Variants in CERT1 observed in about 807,000 individuals in gnomAD.
CERT1 encodes the protein ceramide transporter 1.
Under a neutral mutation model 87.9 loss-of-function variants are expected in CERT1, and 31 were observed. The observed-to-expected ratio is 0.35, with a 90% CI of 0.27 to 0.48. The LOEUF is 0.48. Ranked by LOEUF, CERT1 falls within the 20% of genes least tolerant of loss-of-function variation. The pLI, the probability that CERT1 is intolerant of heterozygous loss-of-function variation, is 0.99. For missense variants in CERT1, 487 were observed against 758.0 expected (o/e 0.64, Z 4.20); for synonymous variants, 289 against 250.9 (o/e 1.15, Z -1.44).
chr5:75,465,314 A>T (rs113385990), intron 2 of CERT1, among the ~76,000 whole-genome samples: 1 of 152,226 alleles, frequency 6.6e-6, no homozygotes, highest in Admixed American at 6.5e-5. Flanking sequence ...TGACAGTAGG[A>T]TATCTGATAA....
At position 75,500,382 on chromosome 5, in the gene CERT1, C is replaced by T. The variant is rs187187451; in HGVS notation, c.231+5600G>A. 3.9e-5 allele frequency among the ~76,000 whole-genome samples: 6 copies of T among 152,132 alleles called. No homozygotes were observed. The East Asian group carries it at 1.2e-3, about 29-fold the overall frequency. ...TAAGTTATTTCCACATTCTGAAACCCAGATTTCAACAGGTGCCCTTTTTCA... is the reference window on the plus strand; with the variant it reads ...TAAGTTATTTCCACATTCTGAAACCTAGATTTCAACAGGTGCCCTTTTTCA... On this transcript the variant is annotated intron_variant, in intron 2 of 16. Transcript: ENST00000643780.
chr5:75,386,524 C>T (rs1225175411), intron 12 of CERT1, among the ~76,000 whole-genome samples: 1 of 152,174 alleles, frequency 6.6e-6, no homozygotes, highest in African/African-American at 2.4e-5. Flanking sequence ...ACAGATCTAT[C>T]TTGCTTTAAA....
chr5:75,447,524 G>A (rs902314219), intron 3 of CERT1, among the ~76,000 whole-genome samples: 1 of 151,378 alleles, frequency 6.6e-6, no homozygotes, highest in Non-Finnish European at 1.5e-5. Context: ...AGGGTAGAGT[G>A]CAGTGGCGCG....
chr5:75,370,307 C>T (rs947560478), intron 17 of CERT1: 1 of 152,196 alleles, frequency 6.6e-6, no homozygotes, highest in Non-Finnish European at 1.5e-5. Flanking sequence ...GAAGTCCACA[C>T]TTCCCATTTC....
At chr5:75,436,906 T>C (rs1472720134) in intron 3 of CERT1, among the ~76,000 whole-genome samples, 1 of 152,164 alleles carries the variant, frequency 6.6e-6, no homozygotes, top group Non-Finnish European at 1.5e-5. Flanking sequence ...GTATGCTGCA[T>C]GCTGGGACTA....
intron 11 of CERT1, among the ~76,000 whole-genome samples, chr5:75,390,144 G>C (rs904969347): frequency 6.6e-6 from 1 of 152,014 alleles, no homozygotes; most frequent in Non-Finnish European, 1.5e-5. Flanking sequence ...TAGAGAGAGA[G>C]AGCATATCTT....
chr5:75,470,673 T>G (rs570103590), intron 2 of CERT1, among the ~76,000 whole-genome samples: 1 of 152,166 alleles, frequency 6.6e-6, no homozygotes, highest in African/African-American at 2.4e-5. Flanking sequence ...CAGGGAAAAG[T>G]TGAGCTTTTT....
chr5:75,429,843 G>GAA (rs112893256), intron 3 of CERT1, among the ~76,000 whole-genome samples: 56 of 115,532 alleles, frequency 4.8e-4, no homozygotes, highest in East Asian at 1.2e-3. Flanking sequence ...AAGAAAAAAT[G>GAA]AAAAAAAAAA....
intron 11 of CERT1, among the ~76,000 whole-genome samples, chr5:75,398,139 G>C (rs928850925): frequency 1.3e-5 from 2 of 152,146 alleles, no homozygotes. Context: ...TTTTTCTTAA[G>C]AGTATTCAAG....
chr5:75,396,335 CTT>C (rs1762252489), intron 11 of CERT1, among the ~76,000 whole-genome samples: 1 of 152,104 alleles, frequency 6.6e-6, no homozygotes, highest in East Asian at 1.9e-4. Context: ...AAAATGTCGA[CTT>C]AGTTTTTTAA....
chr5:75,410,841 G>T, intron 8 of CERT1, 170 bp downstream of exon 8: 1 of 408,976 alleles, frequency 2.4e-6, no homozygotes. Flanking sequence ...ATATATATTT[G>T]AGCATGCCTG....
intron 5 of CERT1, among the ~76,000 whole-genome samples, chr5:75,424,239 T>C (rs2112178435): frequency 6.6e-6 from 1 of 152,302 alleles, no homozygotes; most frequent in South Asian, 2.1e-4. Flanking sequence ...TCCATTTCTA[T>C]TACTGATTCT....
At chr5:75,390,687 A>T (rs1448556995) in intron 11 of CERT1, among the ~76,000 whole-genome samples, 2 of 152,136 alleles carry the variant, frequency 1.3e-5, no homozygotes, top group African/African-American at 4.8e-5. Flanking sequence ...TATATATATT[A>T]TACTTCCATT....
intron 2 of CERT1, among the ~76,000 whole-genome samples, chr5:75,473,961 A>T (rs1442596167): frequency 6.6e-6 from 1 of 152,204 alleles, no homozygotes; most frequent in East Asian, 1.9e-4. Flanking sequence ...ACCCTCTCAT[A>T]TTATTTTATA....
At chr5:75,475,605 T>C (rs1202109380) in intron 2 of CERT1, among the ~76,000 whole-genome samples, 2 of 152,132 alleles carry the variant, frequency 1.3e-5, no homozygotes, top group East Asian at 3.9e-4. Flanking sequence ...CTTTGAAAAT[T>C]ACACTGTTCC....
intron 11 of CERT1, among the ~76,000 whole-genome samples, 191 bp from the exon 12 acceptor site, chr5:75,389,878 CAGG>C: frequency 6.6e-6 from 1 of 152,202 alleles, no homozygotes; most frequent in African/African-American, 2.4e-5. Context: ...AGGTTAATGA[CAGG>C]AGACAGAAAT....
rs1368249308 is a variant in CERT1 at position 75,506,061 on chromosome 5, G to A, written c.152C>T (p.Ala51Val). The A allele has an allele frequency of 6.2e-7, 1 of 1,612,878 alleles. No individual in the cohort carries two copies. Among genetic ancestry groups the A allele is most frequent in the Non-Finnish European group, 8.5e-7 (1 of 1,178,984 alleles). ...ATCTTCAGATTTGTAGTAACTCAGA[G>A]CATTATTTTTCAAAACTACCCAACG... is the stretch of plus-strand genomic sequence containing the variant. ...QDRWVVLKNN[A>V]LSYYKSEDET... Residue 51 changes from alanine to valine, a missense_variant, in exon 2 of 17, where the codon GCT (alanine) becomes GTT (valine). By Grantham distance (64) the Ala-to-Val change is moderately conservative. Transcript: ENST00000643780.
intron 11 of CERT1, among the ~76,000 whole-genome samples, chr5:75,397,687 T>C (rs917446568): frequency 2.0e-5 from 3 of 152,186 alleles, no homozygotes; most frequent in Non-Finnish European, 4.4e-5. Context: ...TATTATGTAG[T>C]TTTGTCACAG....
chr5:75,481,933 C>A (rs1030003313), intron 2 of CERT1, among the ~76,000 whole-genome samples: 3 of 152,024 alleles, frequency 2.0e-5, no homozygotes, highest in Admixed American at 6.6e-5. Flanking sequence ...GATTAGCATA[C>A]AAAATAATGG....
Sources: allele counts gnomAD v4.1 joint callset (sites outside exome capture counted in the v4.1 genomes callset), GRCh38; gene constraint gnomAD v4.1.1; transcripts MANE v1.5; gene names NCBI Gene and HGNC (gene_info 2026-07-23, HGNC 2026-07-21).